The following BCR variants were observed in gnomAD, a reference collection of about 807,000 sequenced individuals.
The protein encoded by BCR is BCR activator of RhoGEF and GTPase.
BCR carries 58 observed loss-of-function variants against 138.6 expected under a neutral mutation model. That is an observed-to-expected ratio of 0.42 (90% CI 0.34 to 0.52). The LOEUF is 0.52. Among genes scored for constraint, BCR ranks in the 20% least tolerant of loss-of-function variants. BCR has a pLI of 0.06. For missense variants in BCR, 1,599 were observed against 1,727.2 expected (o/e 0.93, Z 1.32); for synonymous variants, 786 against 730.1 (o/e 1.08, Z -1.23).
At chr22:23,280,490 T>A (rs2073631099) in intron 8 of BCR, among the ~76,000 whole-genome samples, 1 of 152,244 alleles carries the variant, frequency 6.6e-6, no homozygotes, top group African/African-American at 2.4e-5. Context: ...CATTCCCACC[T>A]GCAGAGGACA....
intron 2 of BCR, chr22:23,260,741 A>G (rs1333265992): frequency 7.3e-6 from 4 of 547,010 alleles, no homozygotes; most frequent in East Asian, 3.2e-5. Flanking sequence ...TTGCCAGATG[A>G]CCCCCCTCCC....
intron 1 of BCR, chr22:23,242,979 G>A (rs962685750): frequency 2.3e-5 from 10 of 441,070 alleles, no homozygotes; most frequent in Non-Finnish European, 4.1e-5. Flanking sequence ...CCTTCAAATG[G>A]CCTCCTGTAT....
intron 1 of BCR, among the ~76,000 whole-genome samples, chr22:23,248,212 C>T (rs920900831): frequency 7.9e-5 from 12 of 152,038 alleles, no homozygotes; most frequent in African/African-American, 2.2e-4. Flanking sequence ...GGTGTGGTGG[C>T]GCACGCTTGT....
intron 20 of BCR, 24 bp downstream of exon 20, chr22:23,313,045 C>T (rs761149504): frequency 4.5e-6 from 7 of 1,548,248 alleles, no homozygotes; most frequent in Non-Finnish European, 6.1e-6. Flanking sequence ...GCCTTGGCCT[C>T]ATGGGAGACG....
At chr22:23,211,143 T>C (rs2072676403) in intron 1 of BCR, among the ~76,000 whole-genome samples, 1 of 152,234 alleles carries the variant, frequency 6.6e-6, no homozygotes, top group Non-Finnish European at 1.5e-5. Context: ...TTTTCATAAA[T>C]GGGATCACAT....
At chr22:23,292,433 TTTTTA>T in intron 14 of BCR, 103 bp from the exon 15 acceptor site, 4 of 880,896 alleles carry the variant, frequency 4.5e-6, no homozygotes, top group Non-Finnish European at 7.2e-6. Flanking sequence ...CAACCTTTTT[TTTTTA>T]TTTTTATTTT....
At chr22:23,199,956 C>T (rs980080827) in intron 1 of BCR, among the ~76,000 whole-genome samples, 3 of 151,922 alleles carry the variant, frequency 2.0e-5, no homozygotes, top group South Asian at 2.1e-4. Flanking sequence ...GGCGTGGTGG[C>T]GGGCGCCTGT....
At chr22:23,274,898 A>C (rs2073555365) in intron 8 of BCR, among the ~76,000 whole-genome samples, 1 of 124,084 alleles carries the variant, frequency 8.1e-6, no homozygotes, top group Admixed American at 9.2e-5. Flanking sequence ...ACAGAGTGAA[A>C]CTCCATCTCA....
At chr22:23,182,371 C>A in intron 1 of BCR, 132 bp downstream of exon 1, 1 of 1,081,510 alleles carries the variant, frequency 9.2e-7, no homozygotes, top group Non-Finnish European at 1.3e-6. Flanking sequence ...ACTTGTGGTT[C>A]ACGCGGATCC....
Position 23,181,900 on chromosome 22 carries a change from A to G in BCR, c.940A>G (p.Arg314Gly), listed in dbSNP as rs747813823. 3 of 1,613,366 alleles carry G rather than the reference A, an allele frequency of 1.9e-6. No homozygotes were observed. In the Admixed American group the frequency reaches 5.0e-5, roughly 27 times the overall value. The change falls in exon 1 of 23, where the codon AGG becomes GGG. Residue 314 changes from arginine (R) to glycine (G), a missense_variant. Around this residue, in one of 4 missense-constraint regions of BCR, gnomAD observed 806 missense variants for 635.0 expected, o/e 1.27. Coordinates refer to ENST00000305877, the MANE Select transcript of BCR (RefSeq NM_004327.4). Reference protein sequence around the residue: ...EQEKRLTWPRRSYSPRSFEDC... With the variant: ...EQEKRLTWPRGSYSPRSFEDC... ...GGAGAAGCGCCTTACCTGGCCCCGC[A>G]GGTCCTACTCCCCCCGGAGTTTTGA...
At chr22:23,309,029 C>T (rs2146326239) in intron 16 of BCR, among the ~76,000 whole-genome samples, 1 of 152,312 alleles carries the variant, frequency 6.6e-6, no homozygotes, top group Non-Finnish European at 1.5e-5. Flanking sequence ...ATTCCCCAGA[C>T]AGCAGCTGTG....
intron 1 of BCR, among the ~76,000 whole-genome samples, chr22:23,200,427 A>C (rs1372463258): frequency 1.3e-5 from 2 of 151,798 alleles, no homozygotes; most frequent in East Asian, 1.9e-4. Flanking sequence ...CAGTCCCCTC[A>C]TCTCAGCATC....
At chr22:23,287,112 T>C in intron 10 of BCR, 47 bp from the exon 11 acceptor site, 1 of 1,560,332 alleles carries the variant, frequency 6.4e-7, no homozygotes, top group Non-Finnish European at 8.7e-7. Flanking sequence ...GAGTGGGTTG[T>C]GTGGAGCGCT....
chr22:23,282,032 T>C (rs368918632), intron 8 of BCR, among the ~76,000 whole-genome samples: 251 of 152,266 alleles, frequency 1.6e-3, no homozygotes, highest in African/African-American at 5.6e-3. Flanking sequence ...TCACTGCCTT[T>C]GTATGGAGAA....
At chr22:23,259,673 C>T (rs1401337375) in intron 2 of BCR, among the ~76,000 whole-genome samples, 1 of 152,116 alleles carries the variant, frequency 6.6e-6, no homozygotes, top group Non-Finnish European at 1.5e-5. Context: ...CCCGCCACCA[C>T]ACCCGGCTAA....
intron 1 of BCR, among the ~76,000 whole-genome samples, chr22:23,187,686 G>T (rs553604761): frequency 2.8e-4 from 42 of 152,044 alleles, no homozygotes; most frequent in Admixed American, 9.2e-4. Context: ...TACCTATTTA[G>T]AGGGTGTGAT....
intron 1 of BCR, among the ~76,000 whole-genome samples, chr22:23,234,899 G>A (rs1008412665): frequency 7.0e-6 from 1 of 143,636 alleles, no homozygotes; most frequent in African/African-American, 2.5e-5. Context: ...GGAAAGTTGG[G>A]GAGTAGAGGG....
chr22:23,312,746 A>C, intron 19 of BCR, 141 bp from the exon 20 acceptor site: 1 of 709,314 alleles, frequency 1.4e-6, no homozygotes. Context: ...TCTTGGGAGG[A>C]GTCAGATGAG....
At chr22:23,248,081 C>T (rs1275218621) in intron 1 of BCR, among the ~76,000 whole-genome samples, 5 of 152,144 alleles carry the variant, frequency 3.3e-5, no homozygotes, top group African/African-American at 7.2e-5. Flanking sequence ...CAGTGGCTCA[C>T]GCTTGTAATC....
Sources: allele counts gnomAD v4.1 joint callset (sites outside exome capture counted in the v4.1 genomes callset), GRCh38; gene constraint gnomAD v4.1.1; regional missense constraint gnomAD v4.1.1; transcripts MANE v1.5; gene names NCBI Gene and HGNC (gene_info 2026-07-23, HGNC 2026-07-21).